The following ADAT1 variants were observed in gnomAD, a reference collection of about 807,000 sequenced individuals.
The protein encoded by ADAT1 is tRNA-specific adenosine deaminase 1.
In ADAT1, 58 loss-of-function variants were observed where a neutral mutation model predicts 58.6. The ratio of observed to expected loss-of-function variants is 0.99; its 90% CI spans 0.80 to 1.23. The LOEUF is 1.23. ADAT1 is among the 50% of genes most tolerant of loss of function. The pLI, the probability that ADAT1 is intolerant of heterozygous loss-of-function variation, is 0.00. For missense variants in ADAT1, 741 were observed against 608.6 expected (o/e 1.22, Z -2.29); for synonymous variants, 254 against 220.8 (o/e 1.15, Z -1.33).
intron 5 of ADAT1, among the ~76,000 whole-genome samples, chr16:75,616,367 C>T (rs2081725361): frequency 6.6e-6 from 1 of 152,142 alleles, no homozygotes; most frequent in Admixed American, 6.6e-5. Flanking sequence ...ATCTACACAG[C>T]TATTCTATTT....
intron 5 of ADAT1, among the ~76,000 whole-genome samples, chr16:75,615,867 A>C (rs78737218): frequency 1.4e-3 from 217 of 152,310 alleles, no homozygotes; most frequent in African/African-American, 4.9e-3. Flanking sequence ...AGAGGAGCTG[A>C]TTAGGAAACA....
rs2081159363 is a variant in ADAT1, at chr16:75,599,223, A to G, written c.*993T>C. 1 of 835,086 alleles carries G rather than the reference A, an allele frequency of 1.2e-6. No homozygotes were observed. The highest frequency in any genetic ancestry group is 1.4e-6 in the Non-Finnish European group (1 of 693,450). The allele number at this position is 835,086 out of a possible 1,614,324, so 51.7% of individuals were successfully genotyped here. A position where few individuals can be genotyped will look rare whatever the true frequency, so the allele number is the denominator to read the frequency against. On this transcript the variant is annotated 3_prime_UTR_variant, in exon 10 of 10. Coordinates refer to ENST00000564657, the MANE Select transcript of ADAT1 (RefSeq NM_001324445.2). The stretch of plus-strand genomic sequence containing the variant: ...CAGCCTCCCGAGTAGCTAGGATTAC[A>G]GGTGTGCGCCACCATGCCCGGCTAG...
intron 8 of ADAT1, among the ~76,000 whole-genome samples, chr16:75,604,756 G>A (rs2081326909): frequency 6.6e-6 from 1 of 151,868 alleles, no homozygotes; most frequent in Non-Finnish European, 1.5e-5. Context: ...CTGGCCAGCA[G>A]GACAGAAAAG....
At chr16:75,613,011 G>T in intron 5 of ADAT1, 150 bp from the exon 6 acceptor site, 1 of 976,858 alleles carries the variant, frequency 1.0e-6, no homozygotes, top group Non-Finnish European at 1.5e-6. Context: ...GCAGAGCCCA[G>T]CAGTGTGTTT....
intron 5 of ADAT1, among the ~76,000 whole-genome samples, chr16:75,613,354 T>G (rs2081608915): frequency 6.6e-6 from 1 of 152,092 alleles, no homozygotes. Flanking sequence ...CAGGCTGGAG[T>G]GCAGTGGGGT....
intron 8 of ADAT1, among the ~76,000 whole-genome samples, chr16:75,607,459 G>A (rs560605501): frequency 3.5e-4 from 51 of 146,814 alleles, no homozygotes; most frequent in African/African-American, 2.8e-4. Flanking sequence ...CCAAGATTAC[G>A]CCACTGAACT....
Position 75,608,849 on chromosome 16 carries a change from C to G in ADAT1, c.1183G>C (p.Gly395Arg). 1 of 1,613,506 alleles carries G rather than the reference C, an allele frequency of 6.2e-7. No individual in the cohort carries two copies. The highest frequency in any genetic ancestry group is 8.5e-7 in the Non-Finnish European group (1 of 1,179,824). Residue 395 changes from glycine to arginine, a missense_variant, in exon 7 of 10, where the codon GGG becomes CGG. Physicochemically the swap from Gly to Arg is moderately radical, Grantham distance 125. Coordinates refer to ENST00000564657, the MANE Select transcript of ADAT1 (RefSeq NM_001324445.2). ...ADSPGRLVPC[G>R]AAISWSAVPE... ...TCTAACCTGGATCTCTTACCTGCCC[C>G]ACAAGGAACAAGTCGACCTGGGCTA... is the stretch of plus-strand genomic sequence containing the variant.
At chr16:75,607,365 G>A (rs943614733) in intron 8 of ADAT1, among the ~76,000 whole-genome samples, 1 of 152,022 alleles carries the variant, frequency 6.6e-6, no homozygotes, top group African/African-American at 2.4e-5. Flanking sequence ...TAGCCGGTGT[G>A]GTAGAACATG....
rs1378675819 is a variant in ADAT1, at chr16:75,600,211, C to G, written c.*5G>C. On this transcript the variant is annotated 3_prime_UTR_variant, in exon 10 of 10. Transcript: ENST00000564657. ...GGTCCTGCTACCAGAGCAAACATTT[C>G]CTTCTCACTTGAACTGGTGATAATC... 2 of 1,614,076 alleles carry G rather than the reference C, an allele frequency of 1.2e-6. No homozygotes were observed. Among genetic ancestry groups the G allele is most frequent in the Non-Finnish European group, 8.5e-7 (1 of 1,179,934 alleles).
chr16:75,600,712 T>A (rs1032718072), intron 9 of ADAT1, among the ~76,000 whole-genome samples: 1 of 146,438 alleles, frequency 6.8e-6, no homozygotes, highest in Non-Finnish European at 1.5e-5. Context: ...CTCCTCACTT[T>A]ACTCATGTCA....
chr16:75,617,095 A>G (rs1227249802), intron 5 of ADAT1, 47 bp downstream of exon 5: 1 of 1,567,128 alleles, frequency 6.4e-7, no homozygotes, highest in South Asian at 1.1e-5. Context: ...CACAAACATA[A>G]GGAAGTAGTT....
rs1454688540 is a variant in ADAT1 at position 75,612,702 on chromosome 16, T to C, written c.584A>G (p.Lys195Arg). Residue 195 changes from lysine to arginine, a missense_variant, in exon 6 of 10, where the codon AAA becomes AGA. Physicochemically the swap from Lys to Arg is conservative, Grantham distance 26 (BLOSUM62 2). Coordinates refer to ENST00000564657, the MANE Select transcript of ADAT1 (RefSeq NM_001324445.2). ...KCEDPDSPVT[K>R]KMRLEPGTAA... is the part of the protein sequence containing the mutation. Reference sequence around the variant, plus strand: ...AGTCCCAGGCTCAAGCCTCATCTTTTTGGTTACAGGACTGTCAGGGTCTTC... The same window carrying C: ...AGTCCCAGGCTCAAGCCTCATCTTTCTGGTTACAGGACTGTCAGGGTCTTC... 1 of 1,613,940 alleles carries C rather than the reference T, an allele frequency of 6.2e-7. No homozygotes were observed.
chr16:75,619,393 G>C, intron 3 of ADAT1, among the ~76,000 whole-genome samples: 1 of 151,970 alleles, frequency 6.6e-6, no homozygotes, highest in East Asian at 1.9e-4. Flanking sequence ...CTGCACATAG[G>C]TGTGCATAGC....
intron 9 of ADAT1, among the ~76,000 whole-genome samples, chr16:75,602,297 T>A (rs181273499): frequency 1.3e-5 from 2 of 152,340 alleles, no homozygotes; most frequent in Admixed American, 1.3e-4. Flanking sequence ...CGCAGCAATG[T>A]GCTGGGAAGG....
intron 2 of ADAT1, 138 bp downstream of exon 2, chr16:75,620,493 C>A: frequency 7.2e-7 from 1 of 1,390,264 alleles, no homozygotes; most frequent in South Asian, 1.3e-5. Flanking sequence ...AGAGGTACTG[C>A]GTCACCTAGC....
intron 8 of ADAT1, among the ~76,000 whole-genome samples, chr16:75,606,216 C>A (rs545122853): frequency 1.3e-5 from 2 of 152,074 alleles, no homozygotes; most frequent in African/African-American, 4.8e-5. Flanking sequence ...GTAATTGCCA[C>A]AAAGAGGAAC....
chr16:75,600,386 T>C (rs1278889200), intron 9 of ADAT1, 38 bp from the exon 10 acceptor site: 1 of 1,608,402 alleles, frequency 6.2e-7, no homozygotes. Flanking sequence ...AGGTTCTCAT[T>C]GAATAGCCCA....
Position 75,620,756 on chromosome 16 carries a change from T to A in ADAT1, c.44A>T (p.Tyr15Phe). 6.2e-7 allele frequency: 1 copy of A among 1,614,190 alleles called. No individual in the cohort carries two copies. The highest frequency in any genetic ancestry group is 1.1e-5 in the South Asian group (1 of 91,086). ...DEIAQLCYEH[Y>F]GIRLPKKGKP... Reference sequence around the variant, plus strand: ...CCCCTTCTTGGGCAGCCTGATCCCATAGTGTTCATAGCATAGCTGAGCAAT... The same window carrying A: ...CCCCTTCTTGGGCAGCCTGATCCCAAAGTGTTCATAGCATAGCTGAGCAAT... Residue 15 changes from tyrosine (Y) to phenylalanine (F), a missense_variant, in exon 2 of 10, where the codon TAT (tyrosine) becomes TTT (phenylalanine). By Grantham distance (22) the Tyr-to-Phe change is conservative. Transcript: ENST00000564657.
chr16:75,604,588 T>C (rs1175643099), intron 8 of ADAT1, among the ~76,000 whole-genome samples: 1 of 150,020 alleles, frequency 6.7e-6, no homozygotes, highest in African/African-American at 2.5e-5. Flanking sequence ...CAACATCCTT[T>C]GATTAAAAAC....
Sources: allele counts gnomAD v4.1 joint callset (sites outside exome capture counted in the v4.1 genomes callset), GRCh38; gene constraint gnomAD v4.1.1; transcripts MANE v1.5; gene names NCBI Gene and HGNC (gene_info 2026-07-23, HGNC 2026-07-21).